The following ATR variants were observed in gnomAD, a reference collection of about 807,000 sequenced individuals.
ATR encodes the protein serine/threonine-protein kinase ATR.
Under a neutral mutation model 305.3 loss-of-function variants are expected in ATR, and 142 were observed. That is an observed-to-expected ratio of 0.47 (90% CI 0.41 to 0.53). The LOEUF (loss-of-function observed/expected upper bound fraction) is 0.53. ATR is among the 20% of genes least tolerant of loss of function. The probability of loss-of-function intolerance (pLI) is 0.00; values close to 1 mark genes in which losing one functional copy is unlikely to be tolerated. For synonymous variants in ATR, 1,050 were observed against 1,068.1 expected (o/e 0.98, Z 0.33); for missense variants, 2,135 against 3,133.1 (o/e 0.68, Z 7.60).
chr3:142,541,955 T>C (rs2034067637), intron 17 of ATR, among the ~76,000 whole-genome samples: 1 of 152,136 alleles, frequency 6.6e-6, no homozygotes, highest in South Asian at 2.1e-4. Context: ...TTTATTGTAA[T>C]CTTACTGACT....
At chr3:142,492,152 G>A (rs542352655) in intron 35 of ATR, among the ~76,000 whole-genome samples, 1 of 152,100 alleles carries the variant, frequency 6.6e-6, no homozygotes, top group Non-Finnish European at 1.5e-5. Context: ...TTCTAGTATG[G>A]ATATAGAGTA....
chr3:142,545,633 T>C (rs1465428189), intron 16 of ATR, among the ~76,000 whole-genome samples: 1 of 151,976 alleles, frequency 6.6e-6, no homozygotes, highest in Admixed American at 6.6e-5. Context: ...TAATTAATTG[T>C]AGAGAGGGAA....
In ATR at chr3:142,547,733, C is replaced by T. The variant is rs751619036; in HGVS notation, c.3349G>A (p.Glu1117Lys). The T allele has an allele frequency of 1.2e-6, 2 of 1,613,548 alleles. No individual in the cohort carries two copies. ...TAGAACATATTCCTTACCATCAGTT[C>T]AGGTGATATGATATCTCTCGGGCCC... is the stretch of plus-strand genomic sequence containing the variant. ...YQGPRDIISP[E>K]LMADYLQPKL... Residue 1117 changes from glutamate to lysine, a missense_variant, in exon 16 of 47, where the codon GAA (glutamate) becomes AAA (lysine). Physicochemically the swap from Glu to Lys is moderately conservative, Grantham distance 56. Around this residue, in one of 9 missense-constraint regions of ATR, gnomAD observed 530 missense variants for 766.8 expected, o/e 0.69. Coordinates refer to ENST00000350721, the MANE Select transcript of ATR (RefSeq NM_001184.4).
intron 17 of ATR, among the ~76,000 whole-genome samples, chr3:142,541,991 G>T (rs1577664222): frequency 6.6e-6 from 1 of 152,086 alleles, no homozygotes. Flanking sequence ...AACAGAAAGA[G>T]AAATTTTATC....
intron 35 of ATR, among the ~76,000 whole-genome samples, chr3:142,485,588 G>C (rs2030863621): frequency 6.6e-6 from 1 of 152,094 alleles, no homozygotes; most frequent in Admixed American, 6.5e-5. Flanking sequence ...AGTAGTGTCT[G>C]GATGGGTTAA....
At chr3:142,541,167 A>C in intron 17 of ATR, 133 bp from the exon 18 acceptor site, 1 of 1,192,868 alleles carries the variant, frequency 8.4e-7, no homozygotes, top group Non-Finnish European at 1.2e-6. Context: ...AGATTGAATA[A>C]ATGTTGGCCA....
intron 29 of ATR, 127 bp from the exon 30 acceptor site, chr3:142,503,580 T>G: frequency 2.3e-6 from 1 of 438,566 alleles, no homozygotes; most frequent in Non-Finnish European, 3.8e-6. Context: ...TTTATTATTA[T>G]TATTATTTTA....
intron 8 of ATR, among the ~76,000 whole-genome samples, chr3:142,557,433 T>C (rs1479064167): frequency 6.6e-6 from 1 of 152,204 alleles, no homozygotes; most frequent in Non-Finnish European, 1.5e-5. Context: ...AAATAAAAAC[T>C]AGAGTTACCC....
chr3:142,502,519 C>T (rs1300351587), intron 30 of ATR, among the ~76,000 whole-genome samples: 1 of 152,136 alleles, frequency 6.6e-6, no homozygotes, highest in Non-Finnish European at 1.5e-5. Flanking sequence ...GGGTACTATG[C>T]TCACTACCTG....
intron 10 of ATR, 115 bp from the exon 11 acceptor site, chr3:142,554,130 T>C: frequency 2.3e-6 from 2 of 871,484 alleles, no homozygotes; most frequent in Non-Finnish European, 3.4e-6. Flanking sequence ...TCTTATAATG[T>C]CAATGTTTCA....
chr3:142,459,979 T>A (rs934462095), intron 42 of ATR, among the ~76,000 whole-genome samples: 2 of 151,912 alleles, frequency 1.3e-5, no homozygotes, highest in Non-Finnish European at 2.9e-5. Flanking sequence ...ATACATATAT[T>A]TTTTACACTG....
At position 142,555,911 on chromosome 3, in the gene ATR, T is replaced by G. The variant is rs752845514; in HGVS notation, c.2307A>C (p.Leu769=). The change falls in exon 10 of 47, where the codon CTA becomes CTC. Residue 769 remains leucine (L), a synonymous_variant. Transcript: ENST00000350721. ...CTGGACTAGGTATTTTTTTTTTCAG[T>G]AGGAAAAGGAATGGCTTGCAGACAG... is the stretch of plus-strand genomic sequence containing the variant. ...KASVCKPFLF[L]LKKKIPSPVK... 1.2e-6 allele frequency: 2 copies of G among 1,609,386 alleles called. No homozygotes were observed. The highest frequency in any genetic ancestry group is 1.7e-5 in the Admixed American group (1 of 58,944).
At chr3:142,451,230 T>A (rs1379461503) in intron 46 of ATR, 2 of 1,191,980 alleles carry the variant, frequency 1.7e-6, no homozygotes, top group African/African-American at 1.6e-5. Flanking sequence ...CACATCCAGA[T>A]GCAGGTGTGC....
In ATR at chr3:142,549,561, A is replaced by C. The variant is rs1304815047; in HGVS notation, c.3089T>G (p.Ile1030Arg). 13 of 1,611,948 alleles carry C rather than the reference A, an allele frequency of 8.1e-6. No individual in the cohort carries two copies. Among genetic ancestry groups the C allele is most frequent in the Non-Finnish European group, 1.1e-5 (13 of 1,178,664 alleles). Residue 1030 changes from isoleucine to arginine, a missense_variant, in exon 15 of 47, where the codon ATA (isoleucine) becomes AGA (arginine). Ile to Arg is a moderately conservative substitution (Grantham distance 97). Around this residue, in one of 9 missense-constraint regions of ATR, gnomAD observed 530 missense variants for 766.8 expected, o/e 0.69. Transcript: ENST00000350721. ...AGAAAAAATATATTTGAAGTTGTTT[A>C]TTAAAATCTCTCTACGATTGACATT... ...QLNVNRREILINNFKYIFSHL... is the reference protein window; with the variant it reads ...QLNVNRREILRNNFKYIFSHL...
Position 142,553,943 on chromosome 3 carries a change from A to G in ATR, c.2414T>C (p.Val805Ala). ...CATTAAATTTAATAAAGTTCCAAGA[A>G]CTGCTTTTACATCTGTTTCATCTTC... ...FREDETDVKA[V>A]LGTLLNLMED... Residue 805 changes from valine (V) to alanine (A), a missense_variant, in exon 11 of 47, where the codon GTT (valine) becomes GCT (alanine). Physicochemically the swap from Val to Ala is moderately conservative, Grantham distance 64. Around this residue, in one of 9 missense-constraint regions of ATR, gnomAD observed 530 missense variants for 766.8 expected, o/e 0.69. Transcript: ENST00000350721. The G allele has an allele frequency of 6.2e-7, 1 of 1,611,394 alleles. No homozygotes were observed.
intron 22 of ATR, among the ~76,000 whole-genome samples, chr3:142,523,305 A>C (rs2033232394): frequency 6.6e-6 from 1 of 152,054 alleles, no homozygotes; most frequent in African/African-American, 2.4e-5. Flanking sequence ...CTGTAATCCC[A>C]GCTACTCGGG....
intron 36 of ATR, among the ~76,000 whole-genome samples, chr3:142,483,153 A>ACAC (rs1378542851): frequency 2.6e-5 from 4 of 151,808 alleles, no homozygotes; most frequent in African/African-American, 9.7e-5. Flanking sequence ...CTACAGGCAC[A>ACAC]CACCACCACC....
intron 2 of ATR, 40 bp downstream of exon 2, chr3:142,568,023 T>C: frequency 1.4e-6 from 2 of 1,461,730 alleles, no homozygotes; most frequent in Non-Finnish European, 1.9e-6. Flanking sequence ...AAGAAAAGTC[T>C]AATTTATAAA....
intron 41 of ATR, among the ~76,000 whole-genome samples, chr3:142,463,095 CATA>C (rs1344589801): frequency 6.6e-6 from 1 of 152,084 alleles, no homozygotes; most frequent in African/African-American, 2.4e-5. Context: ...CATAGAATCT[CATA>C]TAAAGATCAG....
Sources: allele counts gnomAD v4.1 joint callset (sites outside exome capture counted in the v4.1 genomes callset), GRCh38; gene constraint gnomAD v4.1.1; regional missense constraint gnomAD v4.1.1; transcripts MANE v1.5; gene names NCBI Gene and HGNC (gene_info 2026-07-23, HGNC 2026-07-21).